Variants in KCNJ5 observed in about 807,000 individuals in gnomAD.
KCNJ5 encodes the protein potassium inwardly rectifying channel subfamily J member 5.
A neutral mutation model predicts 20.2 loss-of-function variants in KCNJ5; 12 were observed. That is an observed-to-expected ratio of 0.59 (90% CI 0.38 to 0.96). The LOEUF is 0.96. Ranked by LOEUF, KCNJ5 falls within the 40% of genes least tolerant of loss-of-function variation. KCNJ5 has a pLI of 0.00. For synonymous variants in KCNJ5, 210 were observed against 213.9 expected, an observed-to-expected ratio of 0.98 and a Z score of 0.16; for missense variants, 449 against 557.6, an observed-to-expected ratio of 0.81 and a Z score of 1.96.
intron 1 of KCNJ5, among the ~76,000 whole-genome samples, chr11:128,895,257 C>T (rs1162121318): frequency 2.0e-5 from 3 of 152,144 alleles, no homozygotes; most frequent in Non-Finnish European, 4.4e-5. Flanking sequence ...GGTCCAATGC[C>T]ATCATCCTAC....
intron 1 of KCNJ5, among the ~76,000 whole-genome samples, chr11:128,908,585 C>G (rs924730303): frequency 1.3e-5 from 2 of 152,178 alleles, no homozygotes; most frequent in Non-Finnish European, 2.9e-5. Flanking sequence ...AAACATTTTC[C>G]CGTTTCTAGT....
intron 1 of KCNJ5, among the ~76,000 whole-genome samples, chr11:128,897,504 G>A (rs1944196569): frequency 6.6e-6 from 1 of 152,050 alleles, no homozygotes; most frequent in Non-Finnish European, 1.5e-5. Flanking sequence ...TTTTGTTGTT[G>A]TTTCTGTTGA....
chr11:128,915,993 G>C (rs1193855219), intron 2 of KCNJ5, among the ~76,000 whole-genome samples: 1 of 150,352 alleles, frequency 6.7e-6, no homozygotes, highest in Non-Finnish European at 1.5e-5. Flanking sequence ...TGATTGGATG[G>C]ATGGATGGAT....
chr11:128,912,659 C>T (rs1002410802), intron 2 of KCNJ5, among the ~76,000 whole-genome samples: 18 of 152,036 alleles, frequency 1.2e-4, no homozygotes, highest in East Asian at 1.9e-4. Flanking sequence ...TACAGGTGCC[C>T]GCCACTGCGC....
At chr11:128,904,464 TAGGCATCA>T (rs1244939853) in intron 1 of KCNJ5, 3 of 1,613,112 alleles carry the variant, frequency 1.9e-6, no homozygotes, top group Non-Finnish European at 1.7e-6. Flanking sequence ...ATTCTGGGAC[TAGGCATCA>T]GCACGTTGTC....
At chr11:128,893,839 G>A (rs899921449) in intron 1 of KCNJ5, among the ~76,000 whole-genome samples, 1 of 152,234 alleles carries the variant, frequency 6.6e-6, no homozygotes, top group African/African-American at 2.4e-5. Context: ...GGCAAGTCCT[G>A]AGCAGTGCAG....
At chr11:128,906,819 C>T (rs1944424441) in intron 1 of KCNJ5, among the ~76,000 whole-genome samples, 2 of 152,182 alleles carry the variant, frequency 1.3e-5, no homozygotes, top group African/African-American at 2.4e-5. Context: ...TCAGCTCTGC[C>T]ATATGACATG....
At chr11:128,910,444 A>T (rs2135997746) in intron 1 of KCNJ5, among the ~76,000 whole-genome samples, 1 of 152,316 alleles carries the variant, frequency 6.6e-6, no homozygotes, top group South Asian at 2.1e-4. Context: ...TCACACTCAG[A>T]CGGTAGGGGT....
rs974247640 is a variant in KCNJ5, at chr11:128,911,334, G to C, written c.61G>C (p.Asp21His). The part of the protein sequence containing the change: ...QDMEIGVTPW[D>H]PKKIPKQARD... Reference sequence around the variant, plus strand: ...CATGGAGATTGGAGTCACTCCCTGGGACCCCAAGAAGATTCCAAAACAGGC... The same window carrying C: ...CATGGAGATTGGAGTCACTCCCTGGCACCCCAAGAAGATTCCAAAACAGGC... The change falls in exon 2 of 3, where the codon GAC becomes CAC. Residue 21 changes from aspartate (D) to histidine (H), a missense_variant. This residue lies in a region of KCNJ5 where 203 missense variants were observed against 258.0 expected (regional missense o/e 0.79). Coordinates refer to ENST00000529694, the MANE Select transcript of KCNJ5 (RefSeq NM_000890.5). The surrounding 1 kb of genome is among the most constrained non-coding windows in gnomAD (Gnocchi z 6.3). The C allele has an allele frequency of 3.1e-6, 5 of 1,614,044 alleles. No individual in the cohort carries two copies. Among genetic ancestry groups the C allele is most frequent in the Admixed American group, 3.3e-5 (2 of 59,994 alleles).
chr11:128,906,304 CCTAA>C (rs993174725), intron 1 of KCNJ5, among the ~76,000 whole-genome samples: 5 of 152,320 alleles, frequency 3.3e-5, no homozygotes, highest in East Asian at 3.9e-4. Flanking sequence ...AGTCAGCCTT[CCTAA>C]CTGTTTATGA....
chr11:128,894,735 C>T (rs1944145322), intron 1 of KCNJ5, among the ~76,000 whole-genome samples: 1 of 152,218 alleles, frequency 6.6e-6, no homozygotes. Context: ...ATTCTGCCAG[C>T]CAGGGCTGGC....
chr11:128,903,569 T>C, intron 1 of KCNJ5: 1 of 1,588,864 alleles, frequency 6.3e-7, no homozygotes, highest in Non-Finnish European at 8.6e-7. Flanking sequence ...TGGCTGCTAG[T>C]TAGTGGTCTT....
chr11:128,892,862 G>A (rs1311307990), intron 1 of KCNJ5, among the ~76,000 whole-genome samples: 5 of 152,162 alleles, frequency 3.3e-5, no homozygotes, highest in Non-Finnish European at 7.4e-5. Flanking sequence ...CCAGTCCTGT[G>A]GGGCAGAGCT....
In KCNJ5 at chr11:128,912,044, C is replaced by T. The variant is rs774483206; in HGVS notation, c.771C>T (p.Ile257=). ...TCATCCCCCTGAACCAGACAGACAT[C>T]AACGTGGGCTTTGACACGGGCGACG... ...GEFIPLNQTD[I]NVGFDTGDDR... Residue 257 remains isoleucine, a synonymous_variant, in exon 2 of 3, where the codon ATC becomes ATT. Coordinates refer to ENST00000529694, the MANE Select transcript of KCNJ5 (RefSeq NM_000890.5). 15 of 1,613,854 alleles carry T rather than the reference C, an allele frequency of 9.3e-6. No homozygotes were observed. The highest frequency in any genetic ancestry group is 2.7e-5 in the African/African-American group (2 of 74,924).
At chr11:128,905,147 C>G (rs1944378347) in intron 1 of KCNJ5, among the ~76,000 whole-genome samples, 2 of 152,248 alleles carry the variant, frequency 1.3e-5, no homozygotes, top group Admixed American at 1.3e-4. Flanking sequence ...CCCGCCCTTC[C>G]TCCAGGAAGA....
chr11:128,895,075 G>A (rs761485219), intron 1 of KCNJ5, among the ~76,000 whole-genome samples: 11 of 152,012 alleles, frequency 7.2e-5, no homozygotes, highest in Non-Finnish European at 1.3e-4. Flanking sequence ...CAGATAGTAT[G>A]GGGGACAGGA....
Position 128,911,978 on chromosome 11 carries a change from G to A in KCNJ5, c.705G>A (p.Arg235=). Residue 235 remains arginine (R), a synonymous_variant, in exon 2 of 3, where the codon CGG becomes CGA. Coordinates refer to ENST00000529694, the MANE Select transcript of KCNJ5 (RefSeq NM_000890.5). This position sits in a 1 kb window ranked among gnomAD's most constrained non-coding sequence, Gnocchi z 6.3. ...CCCACATCGTGGAGGCCTCCATCCG[G>A]GCCAAGCTCATCAAGTCCCGGCAGA... ...RNSHIVEASI[R]AKLIKSRQTK... 6.2e-7 allele frequency: 1 copy of A among 1,603,766 alleles called. No individual in the cohort carries two copies. The highest frequency in any genetic ancestry group is 8.5e-7 in the Non-Finnish European group (1 of 1,173,232).
intron 2 of KCNJ5, among the ~76,000 whole-genome samples, chr11:128,915,990 A>AT (rs1565554251): frequency 8.0e-3 from 13 of 1,626 alleles, no homozygotes; most frequent in African/African-American, 0.021. Context: ...GGATGATTGG[A>AT]TGGATGGATG....
intron 1 of KCNJ5, among the ~76,000 whole-genome samples, chr11:128,892,470 A>C (rs1470835994): frequency 6.6e-6 from 1 of 152,170 alleles, no homozygotes; most frequent in East Asian, 1.9e-4. Flanking sequence ...CCAAAGTTCT[A>C]GGGCCTACCC....
Sources: allele counts gnomAD v4.1 joint callset (sites outside exome capture counted in the v4.1 genomes callset), GRCh38; gene constraint gnomAD v4.1.1; regional missense constraint gnomAD v4.1.1; non-coding constraint Gnocchi (gnomAD v3.1); transcripts MANE v1.5; gene names NCBI Gene and HGNC (gene_info 2026-07-23, HGNC 2026-07-21).